Variants in TTN observed in about 807,000 individuals in gnomAD.
The protein encoded by TTN is connectin.
TTN carries 1,525 observed loss-of-function variants against 3,223.0 expected under a neutral mutation model. The observed-to-expected ratio is 0.47, with a 90% confidence interval of 0.45 to 0.49. The LOEUF is 0.49. Ranked by LOEUF, TTN falls within the 20% of genes least tolerant of loss-of-function variation. The pLI is 0.00. For synonymous variants in TTN, 14,094 were observed against 15,161.0 expected (o/e 0.93, Z 5.17); for missense variants, 40,786 against 43,424.0 (o/e 0.94, Z 5.40).
rs1300492136 is a variant in TTN, at chr2:178,741,575, A to C, written c.11658T>G (p.Asp3886Glu). Residue 3886 changes from aspartate (D) to glutamate (E), a missense_variant, in exon 48 of 363, where the codon GAT becomes GAG. Asp to Glu is a conservative substitution (Grantham distance 45). Transcript: ENST00000589042. ...SLIILFTKLEDEGEYTCMASN... is the reference protein window; with the variant it reads ...SLIILFTKLEEEGEYTCMASN... ...TGGCCATACATGTATACTCTCCCTC[A>C]TCCTCCAATTTGGTGAACAGAATGA... The C allele has an allele frequency of 6.2e-7, 1 of 1,613,850 alleles. No individual in the cohort carries two copies. Among genetic ancestry groups the C allele is most frequent in the East Asian group, 2.2e-5 (1 of 44,850 alleles).
Position 178,741,259 on chromosome 2 carries a change from C to T in TTN, c.11974G>A (p.Gly3992Ser), listed in dbSNP as rs774085575. The change falls in exon 48 of 363, where the codon GGC (glycine) becomes AGC (serine). Residue 3992 changes from glycine to serine, a missense_variant. Gly to Ser is a moderately conservative substitution (Grantham distance 56). Transcript: ENST00000589042. ...TCATTGACAATGAAAGTTCCAGAGC[C>T]ATTAGGGTTATGAATGATAGTGTAA... is the stretch of plus-strand genomic sequence containing the variant. ...VYYTIIHNPN[G>S]SGTFIVNDPQ... The T allele has an allele frequency of 1.8e-5, 29 of 1,613,624 alleles. No individual in the cohort carries two copies. Among genetic ancestry groups the T allele is most frequent in the Middle Eastern group, 1.6e-4 (1 of 6,084 alleles).
intron 112 of TTN, among the ~76,000 whole-genome samples, chr2:178,698,004 T>C (rs2074023878): frequency 6.6e-6 from 1 of 152,166 alleles, no homozygotes; most frequent in African/African-American, 2.4e-5. Context: ...TGTCCATCAA[T>C]GGATGAATAC....
In TTN at chr2:178,568,660, A is replaced by T. The variant is rs753382360; in HGVS notation, c.77472T>A (p.Arg25824=). 7 of 1,613,378 alleles carry T rather than the reference A, an allele frequency of 4.3e-6. No individual in the cohort carries two copies. Among genetic ancestry groups the T allele is most frequent in the Non-Finnish European group, 5.1e-6 (6 of 1,179,576 alleles). ...DLKIEVPISG[R]PKPTITWTKD... Reference sequence around the variant, plus strand: ...TAGTCCAGGTAATGGTTGGCTTAGGACGTCCAGAAATTGGCACTTCTATTT... The same window carrying T: ...TAGTCCAGGTAATGGTTGGCTTAGGTCGTCCAGAAATTGGCACTTCTATTT... The change falls in exon 326 of 363, where the codon CGT becomes CGA. Residue 25824 remains arginine, a synonymous_variant. Coordinates refer to ENST00000589042, the MANE Select transcript of TTN (RefSeq NM_001267550.2).
At chr2:178,685,711 C>G (rs2070681143) in intron 127 of TTN, 113 bp from the exon 128 acceptor site, 1 of 953,260 alleles carries the variant, frequency 1.0e-6, no homozygotes, top group Non-Finnish European at 1.6e-6. Context: ...TAACCCTTGC[C>G]AAACCCCTGC....
intron 112 of TTN, among the ~76,000 whole-genome samples, chr2:178,698,521 C>T (rs945877332): frequency 2.0e-5 from 3 of 151,086 alleles, no homozygotes; most frequent in African/African-American, 7.3e-5. Context: ...AGTCAATTTA[C>T]AATAAAATAA....
At chr2:178,651,097 T>C (rs1046687697) in intron 208 of TTN, 146 bp downstream of exon 208, 6 of 709,836 alleles carry the variant, frequency 8.5e-6, no homozygotes, top group Non-Finnish European at 1.4e-5. Context: ...GAAAAAATTA[T>C]TAAAAAGTAT....
At chr2:178,678,706 A>G in intron 143 of TTN, 41 bp downstream of exon 143, 1 of 1,573,052 alleles carries the variant, frequency 6.4e-7, no homozygotes, top group Non-Finnish European at 8.7e-7. Context: ...CCCATATGCA[A>G]ATGTGAAATA....
At chr2:178,772,643 A>T (rs1370576419) in intron 33 of TTN, among the ~76,000 whole-genome samples, 1 of 152,234 alleles carries the variant, frequency 6.6e-6, no homozygotes, top group Non-Finnish European at 1.5e-5. Context: ...ATGGCTAAAA[A>T]AGGAAATAAT....
At chr2:178,622,995 T>C (rs2058524058) in intron 242 of TTN, among the ~76,000 whole-genome samples, 1 of 151,948 alleles carries the variant, frequency 6.6e-6, no homozygotes. Flanking sequence ...GTTCAACTAG[T>C]GTGCATGTGT....
Position 178,717,283 on chromosome 2 carries a change from G to T in TTN, c.25451C>A (p.Pro8484Gln). The T allele has an allele frequency of 1.9e-6, 3 of 1,613,674 alleles. No individual in the cohort carries two copies. The highest frequency in any genetic ancestry group is 3.3e-4 in the Middle Eastern group (2 of 6,060). ...ATCTTTGGCCCAAGTGATTTTGATT[G>T]GTGCAGTCCCAGTTACATGACATTT... ...TFKCHVTGTA[P>Q]IKITWAKDNR... is the part of the protein sequence containing the mutation. Residue 8484 changes from proline (P) to glutamine (Q), a missense_variant, in exon 88 of 363, where the codon CCA (proline) becomes CAA (glutamine). Physicochemically the swap from Pro to Gln is moderately conservative, Grantham distance 76. Transcript: ENST00000589042.
At chr2:178,556,335 G>A in intron 330 of TTN, 1 of 160,154 alleles carries the variant, frequency 6.2e-6, no homozygotes, top group Non-Finnish European at 1.3e-5. Flanking sequence ...GGTGACTGAG[G>A]CACGAGAATC....
Position 178,535,508 on chromosome 2 carries a change from G to A in TTN, c.101107C>T (p.Arg33703Ter), listed in dbSNP as rs766265889. The A allele has an allele frequency of 5.6e-6, 9 of 1,613,744 alleles. No homozygotes were observed. Among genetic ancestry groups the A allele is most frequent in the African/African-American group, 2.7e-5 (2 of 74,910 alleles). ...GTCCATGTTAAGTTGACAGAATCTC[G>A]TGAGACATCACTAACTTTGACTCCT... ...PRGVKVSDVSRDSVNLTWTEP... is the reference protein window; with the variant it reads ...PRGVKVSDVS The change falls in exon 358 of 363, where the codon CGA becomes TGA. Residue 33703 changes from arginine (R) to a stop codon, truncating the protein, a stop_gained. Coordinates refer to ENST00000589042, the MANE Select transcript of TTN (RefSeq NM_001267550.2). LOFTEE classifies it high-confidence loss of function.
chr2:178,794,804 T>C (rs2093681111), intron 7 of TTN, 118 bp downstream of exon 7: 1 of 1,387,538 alleles, frequency 7.2e-7, no homozygotes, highest in Non-Finnish European at 1.0e-6. Context: ...GTTGCTGCTA[T>C]ATTTTTATGT....
Position 178,577,251 on chromosome 2 carries a change from C to T in TTN, c.69084G>A (p.Thr23028=), listed in dbSNP as rs757132910. The part of the protein sequence containing the change: ...YTITATNPFG[T]KVEHVKVTVL... ...CTGTTACCTTCACATGTTCCACCTT[C>T]GTGCCAAAAGGATTGGTAGCAGTGA... The change falls in exon 324 of 363, where the codon ACG becomes ACA. Residue 23028 remains threonine, a synonymous_variant. Coordinates refer to ENST00000589042, the MANE Select transcript of TTN (RefSeq NM_001267550.2). 1.8e-5 allele frequency: 29 copies of T among 1,612,802 alleles called. No individual in the cohort carries two copies. Among genetic ancestry groups the T allele is most frequent in the South Asian group, 1.6e-4 (15 of 91,004 alleles).
chr2:178,535,644 A>C lies in TTN; in HGVS notation c.100971T>G (p.Asn33657Lys). Reference protein sequence around the residue: ...TRSFTSLVFPNGVERKDAGFY... With the variant: ...TRSFTSLVFPKGVERKDAGFY... The stretch of plus-strand genomic sequence containing the variant: ...AACCAGCATCTTTTCTCTCTACCCC[A>C]TTGGGGAAAACAAGTGATGTGAAGG... Residue 33657 changes from asparagine to lysine, a missense_variant, in exon 358 of 363, where the codon AAT becomes AAG. Coordinates refer to ENST00000589042, the MANE Select transcript of TTN (RefSeq NM_001267550.2). The C allele has an allele frequency of 6.2e-7, 1 of 1,613,766 alleles. No homozygotes were observed. Among genetic ancestry groups the C allele is most frequent in the Non-Finnish European group, 8.5e-7 (1 of 1,179,764 alleles).
chr2:178,618,099 A>C lies in TTN; in HGVS notation c.47270-18T>G. 6.2e-7 allele frequency: 1 copy of C among 1,611,284 alleles called. No individual in the cohort carries two copies. The highest frequency in any genetic ancestry group is 8.5e-7 in the Non-Finnish European group (1 of 1,178,760). ...TGGAACATCTGGATTTCACCACAGA[A>C]GAAGAAAATATGAGTTTGGGGTAAC... On this transcript the variant is annotated intron_variant, in intron 252 of 362. Transcript: ENST00000589042.
rs1060500469 is a variant in TTN, at chr2:178,603,989, A to T, written c.54698T>A (p.Val18233Asp). 6.2e-7 allele frequency: 1 copy of T among 1,612,656 alleles called. No individual in the cohort carries two copies. Among genetic ancestry groups the T allele is most frequent in the African/African-American group, 1.3e-5 (1 of 74,818 alleles). The change falls in exon 282 of 363, where the codon GTT becomes GAT. Residue 18233 changes from valine (V) to aspartate (D), a missense_variant. Transcript: ENST00000589042. Reference sequence around the variant, plus strand: ...TTTAACGCCTTCAAGCAAACGAGGAACATTAAATTCCACGCCTTTCAATCC... The same window carrying T: ...TTTAACGCCTTCAAGCAAACGAGGATCATTAAATTCCACGCCTTTCAATCC... ...KVGLKGVEFN[V>D]PRLLEGVKYQ...
rs368277751 is a variant in TTN at position 178,698,916 on chromosome 2, T to TAA, written c.30683-4_30683-3dup. 1.1e-3 allele frequency: 1,465 copies of TAA among 1,311,622 alleles called. No homozygotes were observed. Among genetic ancestry groups the TAA allele is most frequent in the Admixed American group, 1.5e-3 (44 of 28,470 alleles). 81.2% of individuals were successfully genotyped at this position (1,311,622 alleles called of 1,614,324 possible). A position where few individuals can be genotyped will look rare whatever the true frequency, so the allele number is the denominator to read the frequency against. On this transcript the variant is annotated splice_polypyrimidine_tract_variant and splice_region_variant and intron_variant, in intron 111 of 362. Coordinates refer to ENST00000589042, the MANE Select transcript of TTN (RefSeq NM_001267550.2). ...CTTTCTTCACAGCCTTTTTGGTAACTAAAAAAAAAAAAAAAGAAAAAAAAA... is the reference window on the plus strand; with the variant it reads ...CTTTCTTCACAGCCTTTTTGGTAACTAAAAAAAAAAAAAAAAAGAAAAAAAAA...
chr2:178,683,161 A>G lies in TTN; in HGVS notation c.32887+50T>C. The stretch of plus-strand genomic sequence containing the variant: ...AGTCAGATTGGGAACTAGAAGGCAA[A>G]GAGCCAGATAGTTTCATGCCTCACA... On this transcript the variant is annotated intron_variant, in intron 134 of 362. Coordinates refer to ENST00000589042, the MANE Select transcript of TTN (RefSeq NM_001267550.2). 8.5e-6 allele frequency: 11 copies of G among 1,292,538 alleles called. No individual in the cohort carries two copies. The Admixed American group carries it at 2.0e-4, about 23-fold the overall frequency. 80.1% of individuals were successfully genotyped at this position (1,292,538 alleles called of 1,614,324 possible). A position where few individuals can be genotyped will look rare whatever the true frequency, so the allele number is the denominator to read the frequency against.
Sources: gnomAD v4.1 joint callset for allele counts (sites outside exome capture counted in the v4.1 genomes callset) on GRCh38, gnomAD v4.1.1 for gene constraint, MANE v1.5 for transcripts, NCBI Gene and HGNC (gene_info 2026-07-23, HGNC 2026-07-21) for gene names.